Variants in EPHA6 observed in about 807,000 individuals in gnomAD.
EPHA6 encodes the protein EPH receptor A6, also known as ephrin type-A receptor 6.
A neutral mutation model predicts 112.0 loss-of-function variants in EPHA6; 50 were observed. The observed-to-expected ratio is 0.45, with a 90% CI of 0.36 to 0.56. The LOEUF is 0.56. Ranked by LOEUF, EPHA6 falls within the 20% of genes least tolerant of loss-of-function variation. The pLI is 0.00. For missense variants in EPHA6, 1,280 were observed against 1,417.4 expected (o/e 0.90, Z 1.56); for synonymous variants, 529 against 490.7 (o/e 1.08, Z -1.03).
At chr3:96,896,700 C>T (rs1022642689) in intron 2 of EPHA6, among the ~76,000 whole-genome samples, 2 of 152,060 alleles carry the variant, frequency 1.3e-5, no homozygotes, top group Non-Finnish European at 2.9e-5. Context: ...ATTTTCCTAT[C>T]TTGGGAAGGA....
At chr3:97,218,408 G>C (rs1380699324) in intron 3 of EPHA6, among the ~76,000 whole-genome samples, 2 of 152,122 alleles carry the variant, frequency 1.3e-5, no homozygotes, top group Non-Finnish European at 2.9e-5. Context: ...AGCATGGCTG[G>C]GGAAGCCTTA....
chr3:97,579,537 T>C lies in EPHA6; in HGVS notation c.2387-13075T>C, dbSNP rs181089340. Among the ~76,000 whole-genome samples the C allele has an allele frequency of 2.8e-4, 43 of 152,234 alleles. No homozygotes were observed. The East Asian group carries it at 8.1e-3, about 29-fold the overall frequency. On this transcript the variant is annotated intron_variant, in intron 11 of 17. Transcript: ENST00000389672. ...ATGGGTGAACAGCTTCCTTCCAGGG[T>C]GTACTTTCCTCCCCCTCATTCTCCA...
chr3:96,851,614 AAGG>A (rs1404813591), intron 1 of EPHA6, among the ~76,000 whole-genome samples: 1 of 152,160 alleles, frequency 6.6e-6, no homozygotes, highest in Non-Finnish European at 1.5e-5. Flanking sequence ...GCATTAGTTT[AAGG>A]AGACCCGTTA....
At chr3:96,943,054 T>G (rs1253009984) in intron 2 of EPHA6, among the ~76,000 whole-genome samples, 3 of 151,478 alleles carry the variant, frequency 2.0e-5, no homozygotes, top group Admixed American at 6.6e-5. Context: ...TTTTATAAGA[T>G]CAACTCTTTT....
intron 14 of EPHA6, among the ~76,000 whole-genome samples, chr3:97,702,571 T>C (rs938327415): frequency 6.6e-6 from 1 of 152,196 alleles, no homozygotes; most frequent in Non-Finnish European, 1.5e-5. Flanking sequence ...CCCCATTCAT[T>C]TTAAATATAA....
intron 14 of EPHA6, among the ~76,000 whole-genome samples, chr3:97,695,108 A>G (rs961945859): frequency 6.6e-6 from 1 of 152,186 alleles, no homozygotes; most frequent in African/African-American, 2.4e-5. Context: ...ATAATATGTT[A>G]TTGTCATTAT....
At chr3:97,176,132 T>A in intron 3 of EPHA6, among the ~76,000 whole-genome samples, 1 of 150,408 alleles carries the variant, frequency 6.6e-6, no homozygotes, top group Admixed American at 6.6e-5. Flanking sequence ...ATTTTATCAA[T>A]TTTTTTCAGA....
chr3:97,727,027 A>T (rs754311981), intron 15 of EPHA6, among the ~76,000 whole-genome samples: 4 of 152,016 alleles, frequency 2.6e-5, no homozygotes, highest in Non-Finnish European at 5.9e-5. Context: ...AAAAATAAAA[A>T]TCACCTTGAA....
chr3:97,502,062 A>G (rs1453471675), intron 10 of EPHA6, among the ~76,000 whole-genome samples: 1 of 151,928 alleles, frequency 6.6e-6, no homozygotes, highest in Non-Finnish European at 1.5e-5. Context: ...CTTACGTACC[A>G]CAGAGAAAGA....
intron 3 of EPHA6, among the ~76,000 whole-genome samples, chr3:97,035,052 C>T (rs774291342): frequency 4.0e-5 from 6 of 151,864 alleles, no homozygotes; most frequent in Non-Finnish European, 5.9e-5. Context: ...CTTTTTAACA[C>T]CCTGACTTTG....
intron 3 of EPHA6, among the ~76,000 whole-genome samples, chr3:97,178,613 G>T (rs2076900947): frequency 6.6e-6 from 1 of 152,044 alleles, no homozygotes. Context: ...ATTTTCACCA[G>T]ATATACTATT....
intron 13 of EPHA6, among the ~76,000 whole-genome samples, chr3:97,629,213 C>G (rs1406578053): frequency 6.6e-6 from 1 of 152,000 alleles, no homozygotes; most frequent in Non-Finnish European, 1.5e-5. Flanking sequence ...GAGATGTGAG[C>G]CACCATGCCT....
chr3:97,044,224 G>C (rs972810372), intron 3 of EPHA6, among the ~76,000 whole-genome samples: 2 of 152,040 alleles, frequency 1.3e-5, no homozygotes, highest in African/African-American at 4.8e-5. Context: ...TTTCTTCTGT[G>C]TTTCTTTAGC....
intron 2 of EPHA6, among the ~76,000 whole-genome samples, chr3:96,876,861 T>C (rs978452686): frequency 6.6e-6 from 1 of 152,092 alleles, no homozygotes; most frequent in Non-Finnish European, 1.5e-5. Context: ...GGAAGACTTA[T>C]ATTGCCAAAG....
chr3:97,393,070 G>T (rs191031185), intron 5 of EPHA6, among the ~76,000 whole-genome samples: 2 of 151,874 alleles, frequency 1.3e-5, no homozygotes, highest in African/African-American at 4.8e-5. Context: ...TATAAATGAG[G>T]AATTTGTTTA....
rs2091949565 is a variant in EPHA6, at chr3:97,495,405, T to G, written c.2200+11346T>G. On this transcript the variant is annotated intron_variant, in intron 10 of 17. Coordinates refer to ENST00000389672, the MANE Select transcript of EPHA6 (RefSeq NM_001080448.3). ...GTAAAGAATGTATATTCTAGAAATA[T>G]ATACTAGAATATATGATATATTCTT... Among the ~76,000 whole-genome samples the G allele has an allele frequency of 2.0e-5, 3 of 151,670 alleles. No homozygotes were observed. In the South Asian group the frequency reaches 6.2e-4, roughly 31 times the overall value.
At chr3:96,961,972 A>G (rs572361936) in intron 2 of EPHA6, among the ~76,000 whole-genome samples, 1 of 152,320 alleles carries the variant, frequency 6.6e-6, no homozygotes, top group South Asian at 2.1e-4. Flanking sequence ...GCTACTTAAC[A>G]CCATTGATAA....
chr3:97,257,145 G>A (rs1190810298), intron 5 of EPHA6, among the ~76,000 whole-genome samples: 2 of 151,682 alleles, frequency 1.3e-5, no homozygotes, highest in Non-Finnish European at 3.0e-5. Context: ...TCATTAACTA[G>A]GAAAATACCC....
intron 13 of EPHA6, among the ~76,000 whole-genome samples, chr3:97,635,814 C>T (rs2093939980): frequency 1.3e-5 from 2 of 151,948 alleles, no homozygotes; most frequent in South Asian, 4.1e-4. Context: ...AATTATATTT[C>T]AATAAAAGTA....
Sources: gnomAD v4.1 joint callset for allele counts (sites outside exome capture counted in the v4.1 genomes callset) on GRCh38, gnomAD v4.1.1 for gene constraint, MANE v1.5 for transcripts, NCBI Gene and HGNC (gene_info 2026-07-23, HGNC 2026-07-21) for gene names.